Variants in EXOC6B observed in about 807,000 individuals in gnomAD.
EXOC6B encodes SEC15 homolog B.
Under a neutral mutation model 113.5 loss-of-function variants are expected in EXOC6B, and 54 were observed. The observed-to-expected ratio is 0.48, with a 90% confidence interval of 0.38 to 0.60. The LOEUF is 0.60. Among genes scored for constraint, EXOC6B ranks in the 20% least tolerant of loss-of-function variants. The probability of loss-of-function intolerance (pLI) is 0.00; values close to 1 mark genes in which losing one functional copy is unlikely to be tolerated. For synonymous variants in EXOC6B, 357 were observed against 339.0 expected (o/e 1.05, Z -0.58); for missense variants, 797 against 977.5 (o/e 0.82, Z 2.46).
Position 72,733,283 on chromosome 2 carries a change from C to G in EXOC6B, c.280-165G>C, listed in dbSNP as rs190858120. ...TTCTCTTGGGTTTAAATTATGTCAA[C>G]TTTTCTACTGGATGTTTGCATGACC... is the stretch of plus-strand genomic sequence containing the variant. On this transcript the variant is annotated intron_variant, in intron 2 of 21. Coordinates refer to ENST00000272427, the MANE Select transcript of EXOC6B (RefSeq NM_015189.3). Among the ~76,000 whole-genome samples, 25 of 152,288 alleles carry G rather than the reference C, an allele frequency of 1.6e-4. No individual in the cohort carries two copies. The East Asian group carries it at 4.2e-3, about 26-fold the overall frequency.
rs898969027 is a variant in EXOC6B at position 72,638,427 on chromosome 2, G to A, written c.670-62759C>T. Among the ~76,000 whole-genome samples the A allele has an allele frequency of 5.9e-5, 9 of 152,174 alleles. No individual in the cohort carries two copies. In the East Asian group the frequency reaches 7.7e-4, roughly 13 times the overall value. On this transcript the variant is annotated intron_variant, in intron 6 of 21. Coordinates refer to ENST00000272427, the MANE Select transcript of EXOC6B (RefSeq NM_015189.3). ...GCAACAAGGTGGCACAGCTCCTACCGAGGGACAAGACAACTGGTATAATCC... is the reference window on the plus strand; with the variant it reads ...GCAACAAGGTGGCACAGCTCCTACCAAGGGACAAGACAACTGGTATAATCC...
At position 72,794,983 on chromosome 2, in the gene EXOC6B, G is replaced by A. The variant is rs548659533; in HGVS notation, c.113+30815C>T. ...TGGAAGTACAAAAACACATGCAGTCGTCTAGAAATAACAATTAGTACAGTG... is the reference window on the plus strand; with the variant it reads ...TGGAAGTACAAAAACACATGCAGTCATCTAGAAATAACAATTAGTACAGTG... On this transcript the variant is annotated intron_variant, in intron 1 of 21. Coordinates refer to ENST00000272427, the MANE Select transcript of EXOC6B (RefSeq NM_015189.3). 3.2e-4 allele frequency among the ~76,000 whole-genome samples: 48 copies of A among 152,308 alleles called. 1 individual carries two copies. Among genetic ancestry groups the A allele is most frequent in the Admixed American group, 9.1e-4 (14 of 15,302 alleles).
intron 19 of EXOC6B, among the ~76,000 whole-genome samples, chr2:72,351,574 AT>A (rs1357425630): frequency 1.3e-5 from 2 of 152,162 alleles, no homozygotes; most frequent in African/African-American, 2.4e-5. Context: ...TCCTTAGGAC[AT>A]TTGCATATAA....
chr2:72,334,226 T>G (rs1688566380), intron 20 of EXOC6B, among the ~76,000 whole-genome samples: 1 of 152,042 alleles, frequency 6.6e-6, no homozygotes, highest in Non-Finnish European at 1.5e-5. Context: ...GCTCACCCTG[T>G]TCCCTATATC....
chr2:72,663,704 G>A (rs1049253164), intron 6 of EXOC6B, among the ~76,000 whole-genome samples: 1 of 152,036 alleles, frequency 6.6e-6, no homozygotes, highest in Non-Finnish European at 1.5e-5. Flanking sequence ...GGAAAGGGAG[G>A]GGGAGGGATG....
intron 19 of EXOC6B, among the ~76,000 whole-genome samples, chr2:72,356,814 T>G (rs1489860181): frequency 6.6e-6 from 1 of 152,142 alleles, no homozygotes; most frequent in South Asian, 2.1e-4. Flanking sequence ...GGTCAACCAC[T>G]GACTGAAAAT....
chr2:72,305,613 C>G (rs957717363), intron 20 of EXOC6B, among the ~76,000 whole-genome samples: 2 of 151,966 alleles, frequency 1.3e-5, no homozygotes, highest in Non-Finnish European at 2.9e-5. Context: ...TAATATGATC[C>G]TTGGACAAAT....
chr2:72,185,555 G>A (rs775484142), intron 20 of EXOC6B, among the ~76,000 whole-genome samples: 4 of 152,202 alleles, frequency 2.6e-5, no homozygotes, highest in Non-Finnish European at 5.9e-5. Context: ...GGAGAGACAG[G>A]CACACTGGTT....
intron 6 of EXOC6B, among the ~76,000 whole-genome samples, chr2:72,581,079 A>G (rs1386353005): frequency 4.6e-5 from 7 of 152,210 alleles, no homozygotes; most frequent in Non-Finnish European, 1.5e-5. Context: ...TCCCATCAAC[A>G]ATACAGTAAA....
chr2:72,569,691 T>G (rs1232133880), intron 7 of EXOC6B, among the ~76,000 whole-genome samples: 1 of 152,202 alleles, frequency 6.6e-6, no homozygotes, highest in African/African-American at 2.4e-5. Flanking sequence ...TATTTAAGTT[T>G]AAGTTTAAAC....
intron 1 of EXOC6B, among the ~76,000 whole-genome samples, chr2:72,778,896 T>C (rs185413169): frequency 2.1e-3 from 315 of 152,280 alleles, no homozygotes; most frequent in South Asian, 4.3e-3. Context: ...ATATATTAGT[T>C]TTTTTAAAAA....
intron 8 of EXOC6B, among the ~76,000 whole-genome samples, chr2:72,558,415 G>A (rs1455640533): frequency 6.6e-6 from 1 of 152,140 alleles, no homozygotes; most frequent in Non-Finnish European, 1.5e-5. Context: ...AGACCATAAA[G>A]TCCATAGCTC....
chr2:72,771,737 G>A (rs933211300), intron 1 of EXOC6B, among the ~76,000 whole-genome samples: 104 of 152,230 alleles, frequency 6.8e-4, no homozygotes, highest in African/African-American at 2.4e-3. Context: ...CATTTTGTGA[G>A]GCCAAGGTGG....
intron 6 of EXOC6B, among the ~76,000 whole-genome samples, chr2:72,643,326 C>T (rs1239463682): frequency 2.4e-4 from 35 of 146,558 alleles, no homozygotes; most frequent in Admixed American, 4.1e-4. Context: ...ATGTTTATTG[C>T]GGCATTATTC....
At chr2:72,181,930 A>G (rs758261767) in intron 21 of EXOC6B, among the ~76,000 whole-genome samples, 10 of 152,324 alleles carry the variant, frequency 6.6e-5, no homozygotes, top group South Asian at 2.1e-4. Context: ...CCACCTCTCA[A>G]TGATGCAGGG....
At chr2:72,227,156 T>C (rs751768560) in intron 20 of EXOC6B, among the ~76,000 whole-genome samples, 5 of 152,152 alleles carry the variant, frequency 3.3e-5, no homozygotes, top group Non-Finnish European at 7.4e-5. Context: ...TGATCTAAAT[T>C]CATCAGTTAA....
In EXOC6B at chr2:72,328,392, C is replaced by T. The variant is rs757774983; in HGVS notation, c.2196+6555G>A. ...AAAACTCTATAGCTGTTTCCTAAAACGGAACTATGGCACCAATACAAAAAA... is the reference window on the plus strand; with the variant it reads ...AAAACTCTATAGCTGTTTCCTAAAATGGAACTATGGCACCAATACAAAAAA... On this transcript the variant is annotated intron_variant, in intron 20 of 21. Transcript: ENST00000272427. Among the ~76,000 whole-genome samples, 9 of 150,478 alleles carry T rather than the reference C, an allele frequency of 6.0e-5. 1 individual carries two copies. The highest frequency in any genetic ancestry group is 5.8e-4 in the East Asian group (3 of 5,164).
At chr2:72,495,604 T>C in intron 14 of EXOC6B, 65 bp from the exon 15 acceptor site, 1 of 874,582 alleles carries the variant, frequency 1.1e-6, no homozygotes, top group South Asian at 1.6e-5. Flanking sequence ...ATTTATAAAT[T>C]ATTTAGGTTG....
intron 2 of EXOC6B, among the ~76,000 whole-genome samples, chr2:72,734,948 T>C (rs2104789152): frequency 6.6e-6 from 1 of 152,256 alleles, no homozygotes; most frequent in South Asian, 2.1e-4. Context: ...CCTTCAAATA[T>C]CTGAAGAGCT....
Sources: allele counts gnomAD v4.1 joint callset (sites outside exome capture counted in the v4.1 genomes callset), GRCh38; gene constraint gnomAD v4.1.1; transcripts MANE v1.5; gene names NCBI Gene and HGNC (gene_info 2026-07-23, HGNC 2026-07-21).